The following RNF144A variants were observed in gnomAD, a reference collection of about 807,000 sequenced individuals.
The protein encoded by RNF144A is ring finger protein 144A, also known as E3 ubiquitin-protein ligase RNF144A.
Under a neutral mutation model 38.7 loss-of-function variants are expected in RNF144A, and 11 were observed. The observed-to-expected ratio is 0.28, with a 90% CI of 0.18 to 0.47. RNF144A has a LOEUF of 0.47. Ranked by LOEUF, RNF144A falls within the 20% of genes least tolerant of loss-of-function variation. RNF144A has a pLI of 0.99. For missense variants in RNF144A, 316 were observed against 377.2 expected, an observed-to-expected ratio of 0.84 and a Z score of 1.34; for synonymous variants, 149 against 143.9, an observed-to-expected ratio of 1.04 and a Z score of -0.25.
At position 7,042,593 on chromosome 2, in the gene RNF144A, G is replaced by A; in HGVS notation, c.*2833G>A. The A allele has an allele frequency of 1.0e-6, 1 of 985,574 alleles. No homozygotes were observed. Among genetic ancestry groups the A allele is most frequent in the Non-Finnish European group, 1.2e-6 (1 of 830,042 alleles). The allele number at this position is 985,574 out of a possible 1,614,324, so 61.1% of individuals were successfully genotyped here. A position where few individuals can be genotyped will look rare whatever the true frequency, so the allele number is the denominator to read the frequency against. The stretch of plus-strand genomic sequence containing the variant: ...GCTTCTCTGAGGCCCTTGAGTAACT[G>A]ACCACATTTGGAGGTTTTGCTGGAA... On this transcript the variant is annotated 3_prime_UTR_variant, in exon 9 of 9. Coordinates refer to ENST00000320892, the MANE Select transcript of RNF144A (RefSeq NM_014746.6).
chr2:7,024,715 C>T (rs113374076), intron 7 of RNF144A, among the ~76,000 whole-genome samples, 199 bp downstream of exon 7: 5 of 152,306 alleles, frequency 3.3e-5, no homozygotes, highest in Admixed American at 1.3e-4. Flanking sequence ...CTTTGTGACT[C>T]GTATAGTCCT....
chr2:7,024,775 G>C (rs970521650), intron 7 of RNF144A, among the ~76,000 whole-genome samples: 2 of 152,146 alleles, frequency 1.3e-5, no homozygotes, highest in Non-Finnish European at 2.9e-5. Flanking sequence ...GGATTTAAAG[G>C]GGTTTTAGCA....
At position 6,996,950 on chromosome 2, in the gene RNF144A, C is replaced by T. The variant is rs759371850; in HGVS notation, c.24C>T (p.Pro8=). MTTTRYR[P]TWDLALDPLV... is the part of the protein sequence containing the mutation. ...CGATGACCACAACAAGGTACCGGCC[C>T]ACCTGGGACCTGGCCCTCGACCCGC... Residue 8 remains proline, a synonymous_variant, in exon 3 of 9, where the codon CCC becomes CCT. Transcript: ENST00000320892. The T allele has an allele frequency of 6.2e-6, 10 of 1,613,826 alleles. No individual in the cohort carries two copies. In the South Asian group the frequency reaches 8.8e-5, roughly 14 times the overall value.
chr2:7,052,580 G>A (rs1289537176), intron 6 of RNF144A, among the ~76,000 whole-genome samples: 1 of 152,126 alleles, frequency 6.6e-6, no homozygotes, highest in African/African-American at 2.4e-5. Flanking sequence ...GCTCAATGTG[G>A]TTTAGAAAAT....
At chr2:6,918,053 C>T (rs1424065641) in intron 1 of RNF144A, among the ~76,000 whole-genome samples, 1 of 152,048 alleles carries the variant, frequency 6.6e-6, no homozygotes, top group East Asian at 1.9e-4. Context: ...TTCGCGGCCC[C>T]GCCCGCAGAC....
chr2:6,970,015 C>T (rs1347563591), intron 2 of RNF144A, among the ~76,000 whole-genome samples: 1 of 152,240 alleles, frequency 6.6e-6, no homozygotes, highest in Non-Finnish European at 1.5e-5. Context: ...CTGCCTCAGC[C>T]TCCCAAAGTG....
intron 7 of RNF144A, among the ~76,000 whole-genome samples, chr2:7,025,155 C>G (rs1671800905): frequency 6.6e-6 from 1 of 152,202 alleles, no homozygotes; most frequent in African/African-American, 2.4e-5. Flanking sequence ...TTCAGTGTTT[C>G]TCAAACACAC....
chr2:6,957,861 G>T (rs1667109741), intron 2 of RNF144A, among the ~76,000 whole-genome samples: 1 of 152,202 alleles, frequency 6.6e-6, no homozygotes, highest in Non-Finnish European at 1.5e-5. Flanking sequence ...GCCTTGCAGG[G>T]ACTGTGGGCC....
downstream of RNF144A, among the ~76,000 whole-genome samples, chr2:7,072,359 AT>A (rs1256907049): frequency 6.6e-6 from 1 of 152,220 alleles, no homozygotes; most frequent in Non-Finnish European, 1.5e-5. Context: ...AACAGAGGAA[AT>A]TTCAAAGCAA....
rs1334035500 is a variant in RNF144A, at chr2:6,962,362, C to A, written c.-12+21215C>A. Among the ~76,000 whole-genome samples the A allele has an allele frequency of 6.6e-6, 1 of 152,180 alleles. No individual in the cohort carries two copies. Among genetic ancestry groups the A allele is most frequent in the Non-Finnish European group, 1.5e-5 (1 of 68,036 alleles). On this transcript the variant is annotated intron_variant, in intron 2 of 8. Coordinates refer to ENST00000320892, the MANE Select transcript of RNF144A (RefSeq NM_014746.6). The surrounding 1 kb of genome is among the most constrained non-coding windows in gnomAD (Gnocchi z 4.1). ...GGACATGCCCGGCCCCCAGGTCACC[C>A]TTTTCTATGGTGCAGCTGCTGGCAT...
intron 3 of RNF144A, among the ~76,000 whole-genome samples, chr2:7,005,650 C>A (rs1670390983): frequency 1.3e-5 from 2 of 152,224 alleles, no homozygotes; most frequent in Non-Finnish European, 2.9e-5. Context: ...TGTCTTAAGA[C>A]CAGCACCCGT....
chr2:6,953,638 G>A (rs1666823811), intron 2 of RNF144A, among the ~76,000 whole-genome samples: 1 of 152,094 alleles, frequency 6.6e-6, no homozygotes, highest in African/African-American at 2.4e-5. Context: ...CAGAACACAT[G>A]GTCTGCTGAG....
intron 8 of RNF144A, among the ~76,000 whole-genome samples, chr2:7,030,456 A>G (rs1359344034): frequency 1.3e-5 from 2 of 152,116 alleles, no homozygotes; most frequent in African/African-American, 2.4e-5. Context: ...CGCGCATCAC[A>G]TTCATTGTCT....
At chr2:6,991,591 C>A (rs1302396403) in intron 2 of RNF144A, among the ~76,000 whole-genome samples, 1 of 152,074 alleles carries the variant, frequency 6.6e-6, no homozygotes, top group East Asian at 1.9e-4. Context: ...ACTAAATAGC[C>A]CTGTATGTTT....
At chr2:6,921,389 TG>T (rs1352645640) in intron 1 of RNF144A, among the ~76,000 whole-genome samples, 1 of 151,952 alleles carries the variant, frequency 6.6e-6, no homozygotes, top group African/African-American at 2.4e-5. Flanking sequence ...GCACTAGAGG[TG>T]GAGGAGGTGG....
chr2:7,006,199 A>G (rs771781390), intron 3 of RNF144A, among the ~76,000 whole-genome samples: 2 of 152,066 alleles, frequency 1.3e-5, no homozygotes, highest in Non-Finnish European at 2.9e-5. Flanking sequence ...GTTCCTGCAC[A>G]TTAATCTTGG....
At chr2:7,073,911 G>T in the RNF144A span, among the ~76,000 whole-genome samples, 1 of 152,286 alleles carries the variant, frequency 6.6e-6, no homozygotes, top group South Asian at 2.1e-4. Context: ...GCTCTTTTTT[G>T]AGCATATTCC....
chr2:7,018,856 T>G (rs1279963239), intron 5 of RNF144A, among the ~76,000 whole-genome samples: 1 of 151,844 alleles, frequency 6.6e-6, no homozygotes, highest in Non-Finnish European at 1.5e-5. Flanking sequence ...CCCCTAACAT[T>G]CTGACAGTTT....
At chr2:7,070,389 A>C (rs1400055592), downstream of RNF144A, among the ~76,000 whole-genome samples, 2 of 152,072 alleles carry the variant, frequency 1.3e-5, no homozygotes, top group African/African-American at 2.4e-5. Context: ...CAGTCTGAGA[A>C]ATGGAGCTTT....
Sources: gnomAD v4.1 joint callset for allele counts (sites outside exome capture counted in the v4.1 genomes callset) on GRCh38, gnomAD v4.1.1 for gene constraint, Gnocchi (gnomAD v3.1) non-coding constraint, MANE v1.5 for transcripts, NCBI Gene and HGNC (gene_info 2026-07-23, HGNC 2026-07-21) for gene names.